CACNA2D2: variants seen among roughly 807,000 people sequenced by gnomAD.
The protein encoded by CACNA2D2 is voltage-dependent calcium channel subunit alpha-2/delta-2.
CACNA2D2 carries 48 observed loss-of-function variants against 166.4 expected under a neutral mutation model. The observed-to-expected ratio is 0.29, with a 90% CI of 0.23 to 0.37. The LOEUF is 0.37. CACNA2D2 is among the 10% of genes least tolerant of loss of function. The pLI is 1.00. For missense variants in CACNA2D2, 1,122 were observed against 1,433.0 expected (o/e 0.78, Z 3.50); for synonymous variants, 561 against 573.7 (o/e 0.98, Z 0.32).
At chr3:50,378,400 G>T in intron 13 of CACNA2D2, 67 bp from the exon 14 acceptor site, 1 of 1,477,852 alleles carries the variant, frequency 6.8e-7, no homozygotes, top group Non-Finnish European at 9.3e-7. Context: ...AGAGGGCCCT[G>T]CCCCTGGGGT....
chr3:50,495,998 T>G (rs148915149), intron 1 of CACNA2D2, among the ~76,000 whole-genome samples: 4 of 152,212 alleles, frequency 2.6e-5, no homozygotes, highest in Non-Finnish European at 5.9e-5. Context: ...CGCCAGTTGG[T>G]AGAAGATCAA....
At position 50,375,963 on chromosome 3, in the gene CACNA2D2, C is replaced by A. The variant is rs1334009457; in HGVS notation, c.1773G>T (p.Glu591Asp). 1.9e-5 allele frequency: 30 copies of A among 1,613,196 alleles called. No homozygotes were observed. The highest frequency in any genetic ancestry group is 2.7e-5 in the African/African-American group (2 of 74,944). ...DAELEDENKE[E>D]IRRSMIDGNK... is the part of the protein sequence containing the mutation. ...ACCCCTGTTCTCCTCCTCTCCTTAC[C>A]TCTTCCTTGTTCTCATCCTCTAGCT... is the stretch of plus-strand genomic sequence containing the variant. The change falls in exon 19 of 38, where the codon GAG becomes GAT. Residue 591 changes from glutamate to aspartate, a missense_variant and splice_region_variant. Physicochemically the swap from Glu to Asp is conservative, Grantham distance 45. This residue lies in a region of CACNA2D2 where 840 missense variants were observed against 1,166.8 expected (regional missense o/e 0.72). Transcript: ENST00000424201. This position sits in a 1 kb window ranked among gnomAD's most constrained non-coding sequence, Gnocchi z 4.0.
At chr3:50,411,631 C>A (rs2236964) in intron 3 of CACNA2D2, among the ~76,000 whole-genome samples, 1 of 152,086 alleles carries the variant, frequency 6.6e-6, no homozygotes, top group African/African-American at 2.4e-5. Flanking sequence ...GCTACTTAAT[C>A]CATTTTTCAG....
Position 50,367,472 on chromosome 3 carries a change from G to A in CACNA2D2, c.2323C>T (p.Pro775Ser), listed in dbSNP as rs747278921. 5 of 1,613,924 alleles carry A rather than the reference G, an allele frequency of 3.1e-6. No individual in the cohort carries two copies. In the South Asian group the frequency reaches 4.4e-5, roughly 14 times the overall value. Reference protein sequence around the residue: ...NKAAEDWTENPEPFNASFYRR... With the variant: ...NKAAEDWTENSEPFNASFYRR... ...TAGAAGCTGGCATTGAAGGGCTCAG[G>A]GTTCTCTGTCCAGTCCTCAGCTGCC... Residue 775 changes from proline (P) to serine (S), a missense_variant, in exon 27 of 38, where the codon CCT becomes TCT. By Grantham distance (74) the Pro-to-Ser change is moderately conservative. Transcript: ENST00000424201. The surrounding 1 kb of genome is among the most constrained non-coding windows in gnomAD (Gnocchi z 6.5).
intron 3 of CACNA2D2, among the ~76,000 whole-genome samples, chr3:50,411,175 C>T (rs574480325): frequency 2.6e-5 from 4 of 152,316 alleles, no homozygotes; most frequent in African/African-American, 9.6e-5. Context: ...CTGTCTGGCC[C>T]TCACCCAGGG....
intron 3 of CACNA2D2, among the ~76,000 whole-genome samples, chr3:50,420,812 G>A (rs1043647253): frequency 2.0e-5 from 3 of 152,196 alleles, no homozygotes; most frequent in Non-Finnish European, 4.4e-5. Context: ...TGGCGTCCTG[G>A]CCCCCTCACC....
chr3:50,404,146 A>C (rs996927733), intron 3 of CACNA2D2, among the ~76,000 whole-genome samples: 3 of 152,158 alleles, frequency 2.0e-5, no homozygotes, highest in Admixed American at 2.0e-4. Flanking sequence ...GAGATGGCAG[A>C]AACCCGGTCA....
chr3:50,383,666 C>A (rs1705442239), intron 6 of CACNA2D2, among the ~76,000 whole-genome samples: 1 of 152,176 alleles, frequency 6.6e-6, no homozygotes, highest in Non-Finnish European at 1.5e-5. Flanking sequence ...CAGCTCCTGG[C>A]TGCTCTGGGC....
intron 1 of CACNA2D2, among the ~76,000 whole-genome samples, chr3:50,497,688 G>C (rs1698779520): frequency 6.6e-6 from 1 of 152,148 alleles, no homozygotes; most frequent in South Asian, 2.1e-4. Context: ...CCTTTAGGGA[G>C]GCCCCAAGAG....
intron 13 of CACNA2D2, 62 bp downstream of exon 13, chr3:50,378,853 A>G (rs1301465858): frequency 6.3e-7 from 1 of 1,593,592 alleles, no homozygotes; most frequent in Non-Finnish European, 8.6e-7. Context: ...CCAGTTGAAC[A>G]TACGCAATCG....
chr3:50,501,477 G>T (rs1279228353), intron 1 of CACNA2D2, among the ~76,000 whole-genome samples: 1 of 150,460 alleles, frequency 6.6e-6, no homozygotes, highest in African/African-American at 2.5e-5. Flanking sequence ...CGTCCAGCTG[G>T]AAGTGTGTCG....
rs1705679251 is a variant in CACNA2D2, at chr3:50,387,632, C to A, written c.466-20G>T. 6.2e-7 allele frequency: 1 copy of A among 1,606,410 alleles called. No individual in the cohort carries two copies. Among genetic ancestry groups the A allele is most frequent in the African/African-American group, 1.3e-5 (1 of 74,810 alleles). ...TTCCTCCTGGTGAGGGGAGAGAGGC[C>A]TCAGCACTAGCTGCTCAGGGTCCCG... is the stretch of plus-strand genomic sequence containing the variant. On this transcript the variant is annotated intron_variant, in intron 4 of 37. Transcript: ENST00000424201.
At chr3:50,384,830 G>A (rs778118734) in intron 5 of CACNA2D2, among the ~76,000 whole-genome samples, 4 of 152,214 alleles carry the variant, frequency 2.6e-5, no homozygotes, top group Non-Finnish European at 4.4e-5. Flanking sequence ...CCAGGGAGAG[G>A]GCCCTAGCCC....
intron 23 of CACNA2D2, among the ~76,000 whole-genome samples, chr3:50,368,898 CT>C (rs998915233): frequency 6.6e-6 from 1 of 152,214 alleles, no homozygotes; most frequent in African/African-American, 2.4e-5. Flanking sequence ...CCTAGGAAGT[CT>C]TGGGAGCAAT....
chr3:50,379,299 C>G lies in CACNA2D2; in HGVS notation c.1153-100G>C, dbSNP rs1166842234. On this transcript the variant is annotated intron_variant, in intron 11 of 37. Coordinates refer to ENST00000424201, the MANE Select transcript of CACNA2D2 (RefSeq NM_006030.4). This position sits in a 1 kb window ranked among gnomAD's most constrained non-coding sequence, Gnocchi z 6.5. ...GGCCTGGACCTCTGGCCCTCCTCCC[C>G]CACAGCAGATGGAGCTATCTGTCCA... The G allele has an allele frequency of 2.1e-6, 3 of 1,447,460 alleles. No homozygotes were observed. The African/African-American group carries it at 4.2e-5, about 20-fold the overall frequency. 89.7% of individuals were successfully genotyped at this position (1,447,460 alleles called of 1,614,324 possible). A position where few individuals can be genotyped will look rare whatever the true frequency, so the allele number is the denominator to read the frequency against.
rs1186696362 is a variant in CACNA2D2, at chr3:50,365,251, C to T, written c.3099-67G>A. On this transcript the variant is annotated intron_variant, in intron 35 of 37. Transcript: ENST00000424201. The surrounding 1 kb of genome is among the most constrained non-coding windows in gnomAD (Gnocchi z 4.5). The stretch of plus-strand genomic sequence containing the variant: ...CCCTGACCCACCCCCATCCTGCGGC[C>T]CCGCCCCCGGCCGCTCGGAGGCCCC... The T allele has an allele frequency of 1.8e-5, 28 of 1,559,910 alleles. No individual in the cohort carries two copies. The highest frequency in any genetic ancestry group is 2.4e-5 in the Non-Finnish European group (28 of 1,148,506).
intron 2 of CACNA2D2, among the ~76,000 whole-genome samples, chr3:50,457,121 G>A (rs1245756191): frequency 1.3e-5 from 2 of 152,212 alleles, no homozygotes; most frequent in Middle Eastern, 6.8e-3. Context: ...ATGGTGGCAC[G>A]CGCCTGTAAT....
intron 3 of CACNA2D2, among the ~76,000 whole-genome samples, chr3:50,417,967 G>A (rs7640842): frequency 0.088 from 13,340 of 152,144 alleles, 1,780 homozygotes; most frequent in African/African-American, 0.29. Flanking sequence ...GCACCAACAT[G>A]TGCTACAGTG....
chr3:50,387,016 T>C (rs1029023857), intron 5 of CACNA2D2, among the ~76,000 whole-genome samples: 2 of 152,098 alleles, frequency 1.3e-5, no homozygotes, highest in African/African-American at 4.8e-5. Flanking sequence ...CGGGCGGACT[T>C]GAGCCAGTGA....
Sources: allele counts gnomAD v4.1 joint callset (sites outside exome capture counted in the v4.1 genomes callset), GRCh38; gene constraint gnomAD v4.1.1; regional missense constraint gnomAD v4.1.1; non-coding constraint Gnocchi (gnomAD v3.1); transcripts MANE v1.5; gene names NCBI Gene and HGNC (gene_info 2026-07-23, HGNC 2026-07-21).